KCNQ5: variants seen among roughly 807,000 people sequenced by gnomAD.
KCNQ5 encodes the protein potassium voltage-gated channel subfamily KQT member 5.
Under a neutral mutation model 98.2 loss-of-function variants are expected in KCNQ5, and 30 were observed. That is an observed-to-expected ratio of 0.31 (90% confidence interval 0.23 to 0.41). The LOEUF is 0.41. Ranked by LOEUF, KCNQ5 falls within the 10% of genes least tolerant of loss-of-function variation. KCNQ5 has a pLI of 1.00. For missense variants in KCNQ5, 835 were observed against 1,182.5 expected (o/e 0.71, Z 4.31); for synonymous variants, 458 against 449.4 (o/e 1.02, Z -0.24).
intron 1 of KCNQ5, among the ~76,000 whole-genome samples, chr6:72,858,738 T>C (rs935619904): frequency 6.6e-6 from 1 of 152,144 alleles, no homozygotes; most frequent in African/African-American, 2.4e-5. Flanking sequence ...CATTCCAAGA[T>C]GTTCTCCAGT....
chr6:72,628,646 G>A (rs959424508), intron 1 of KCNQ5, among the ~76,000 whole-genome samples: 9 of 152,054 alleles, frequency 5.9e-5, no homozygotes, highest in Non-Finnish European at 1.2e-4. Flanking sequence ...GCCTCACTCC[G>A]TTGCCCAGGC....
chr6:73,052,361 C>A (rs1772283625), intron 3 of KCNQ5, among the ~76,000 whole-genome samples: 1 of 152,112 alleles, frequency 6.6e-6, no homozygotes, highest in Non-Finnish European at 1.5e-5. Context: ...CTAGAGAGGC[C>A]AACATTCAAA....
At chr6:73,025,999 T>G (rs2150343746) in intron 2 of KCNQ5, among the ~76,000 whole-genome samples, 1 of 152,332 alleles carries the variant, frequency 6.6e-6, no homozygotes, top group South Asian at 2.1e-4. Flanking sequence ...GAATGCCTTG[T>G]TCTTAGCTTA....
At chr6:72,963,974 T>G (rs1033989244) in intron 1 of KCNQ5, among the ~76,000 whole-genome samples, 34 of 152,188 alleles carry the variant, frequency 2.2e-4, no homozygotes, top group African/African-American at 8.0e-4. Context: ...ATTTTTAAGA[T>G]GGTGAGCTTC....
At chr6:72,646,921 A>G (rs1336183166) in intron 1 of KCNQ5, among the ~76,000 whole-genome samples, 1 of 152,224 alleles carries the variant, frequency 6.6e-6, no homozygotes, top group Non-Finnish European at 1.5e-5. Context: ...AAATTCACAT[A>G]ACTATCCTAT....
At chr6:73,133,978 C>G in intron 10 of KCNQ5, 1 of 486,496 alleles carries the variant, frequency 2.1e-6, no homozygotes, top group Non-Finnish European at 4.2e-6. Flanking sequence ...TGACGTCTGA[C>G]CAGCAAAGGT....
At chr6:72,983,737 T>A (rs1768594157) in intron 1 of KCNQ5, among the ~76,000 whole-genome samples, 1 of 152,156 alleles carries the variant, frequency 6.6e-6, no homozygotes, top group South Asian at 2.1e-4. Context: ...CTGCGATCCT[T>A]TGGAGGAGAA....
chr6:72,779,338 T>C (rs1773331425), intron 1 of KCNQ5, among the ~76,000 whole-genome samples: 1 of 152,172 alleles, frequency 6.6e-6, no homozygotes, highest in Non-Finnish European at 1.5e-5. Context: ...ATATTTCTTT[T>C]TCAGGCCCAG....
intron 1 of KCNQ5, among the ~76,000 whole-genome samples, chr6:72,680,437 G>A (rs964631467): frequency 6.6e-6 from 1 of 152,206 alleles, no homozygotes; most frequent in Non-Finnish European, 1.5e-5. Flanking sequence ...CAGTTAATGT[G>A]TGTTTGGATC....
At chr6:72,956,847 T>C (rs1176216917) in intron 1 of KCNQ5, among the ~76,000 whole-genome samples, 2 of 151,996 alleles carry the variant, frequency 1.3e-5, no homozygotes, top group East Asian at 1.9e-4. Context: ...CCCACCAAGA[T>C]GGGCTTCTGA....
intron 10 of KCNQ5, among the ~76,000 whole-genome samples, chr6:73,146,086 T>A (rs932095058): frequency 6.6e-6 from 1 of 152,016 alleles, no homozygotes; most frequent in African/African-American, 2.4e-5. Context: ...AGCGAAACCA[T>A]ATCAAGATCT....
intron 1 of KCNQ5, among the ~76,000 whole-genome samples, chr6:72,964,942 T>TA (rs34416432): frequency 1.8e-4 from 28 of 151,876 alleles, no homozygotes; most frequent in African/African-American, 3.4e-4. Context: ...GTGCTTTTTT[T>TA]AAAAAAAAAT....
intron 10 of KCNQ5, chr6:73,134,019 C>T (rs1484519522): frequency 2.1e-6 from 1 of 474,990 alleles, no homozygotes; most frequent in Non-Finnish European, 4.3e-6. Context: ...GGTGCTTGCT[C>T]TGTGAATATC....
intron 10 of KCNQ5, among the ~76,000 whole-genome samples, chr6:73,140,981 C>T (rs904198261): frequency 1.3e-5 from 2 of 152,198 alleles, no homozygotes; most frequent in Non-Finnish European, 2.9e-5. Flanking sequence ...AGTGACCTCT[C>T]AATCTCTGGT....
At chr6:72,918,527 G>A (rs1328169191) in intron 1 of KCNQ5, among the ~76,000 whole-genome samples, 1 of 151,832 alleles carries the variant, frequency 6.6e-6, no homozygotes, top group African/African-American at 2.4e-5. Context: ...ATTCCTCCAG[G>A]ACCTTGAAAA....
rs576830996 is a variant in KCNQ5, at chr6:73,159,818, A to T, written c.1469-9928A>T. ...TATTAAGCCTTTTTTATATTTTGGA[A>T]TTCTTCCCTAATGAAGAATTTTTGG... On this transcript the variant is annotated intron_variant, in intron 10 of 13. Transcript: ENST00000370398. Among the ~76,000 whole-genome samples the T allele has an allele frequency of 4.6e-5, 7 of 152,220 alleles. No individual in the cohort carries two copies. In the South Asian group the frequency reaches 1.5e-3, roughly 32 times the overall value.
At chr6:73,169,993 AATT>A in intron 11 of KCNQ5, 139 bp downstream of exon 11, 1 of 637,994 alleles carries the variant, frequency 1.6e-6, no homozygotes, top group South Asian at 1.9e-5. Context: ...ATGCCTATTG[AATT>A]GTGAAATATT....
intron 1 of KCNQ5, among the ~76,000 whole-genome samples, chr6:72,914,882 C>A (rs1780071361): frequency 1.3e-5 from 2 of 151,902 alleles, no homozygotes; most frequent in Admixed American, 6.6e-5. Flanking sequence ...TGGAAGAATG[C>A]AGGCCCAGCA....
At chr6:73,079,068 A>G (rs1773654325) in intron 5 of KCNQ5, among the ~76,000 whole-genome samples, 1 of 152,150 alleles carries the variant, frequency 6.6e-6, no homozygotes, top group Non-Finnish European at 1.5e-5. Context: ...TTGGGAGGCT[A>G]AGGCGGGCCA....
Sources: gnomAD v4.1 joint callset for allele counts (sites outside exome capture counted in the v4.1 genomes callset) on GRCh38, gnomAD v4.1.1 for gene constraint, MANE v1.5 for transcripts, NCBI Gene and HGNC (gene_info 2026-07-23, HGNC 2026-07-21) for gene names.